Variants in CDH7 observed in about 807,000 individuals in gnomAD.
The protein encoded by CDH7 is cadherin 7.
A neutral mutation model predicts 71.8 loss-of-function variants in CDH7; 25 were observed. The ratio of observed to expected loss-of-function variants is 0.35; its 90% CI spans 0.25 to 0.49. The LOEUF is 0.49. Ranked by LOEUF, CDH7 falls within the 20% of genes least tolerant of loss-of-function variation. The pLI, the probability that CDH7 is intolerant of heterozygous loss-of-function variation, is 0.99. For synonymous variants in CDH7, 381 were observed against 363.8 expected (o/e 1.05, Z -0.54); for missense variants, 862 against 974.6 (o/e 0.88, Z 1.54).
chr18:65,797,180 C>T (rs915917653), intron 2 of CDH7, among the ~76,000 whole-genome samples: 1 of 152,100 alleles, frequency 6.6e-6, no homozygotes, highest in Admixed American at 6.6e-5. Context: ...TGGCCAGTCT[C>T]TCCTAGGAAA....
chr18:65,815,736 A>G (rs1239102673), intron 4 of CDH7, among the ~76,000 whole-genome samples: 1 of 152,174 alleles, frequency 6.6e-6, no homozygotes. Flanking sequence ...AGCAAGTATT[A>G]AAGGAGAAGT....
rs182687067 is a variant in CDH7 at position 65,883,222 on chromosome 18, T to G, written c.*2328T>G. On this transcript the variant is annotated 3_prime_UTR_variant, in exon 12 of 12. Coordinates refer to ENST00000397968, the MANE Select transcript of CDH7 (RefSeq NM_004361.5). ...CAGTATTACATTTCATTCAGTGGTA[T>G]TTTTTAATTAAAAAAATTAATTTAA... 29 of 152,152 alleles carry G rather than the reference T, an allele frequency of 1.9e-4. No homozygotes were observed. The East Asian group carries it at 5.2e-3, about 27-fold the overall frequency. 9.4% of individuals were successfully genotyped at this position (152,152 alleles called of 1,614,324 possible).
At chr18:65,821,133 A>C (rs1911910152) in intron 4 of CDH7, among the ~76,000 whole-genome samples, 1 of 24,712 alleles carries the variant, frequency 4.0e-5, no homozygotes, top group Non-Finnish European at 2.1e-4. Context: ...ACAAACAAAC[A>C]AAAAAAAAAA....
intron 11 of CDH7, among the ~76,000 whole-genome samples, chr18:65,864,889 TAAAAAAAAAAAAA>T (rs1191269381): frequency 4.7e-5 from 4 of 85,960 alleles, no homozygotes; most frequent in Non-Finnish European, 8.8e-5. Context: ...AGACTCCATC[TAAAAAAAAAAAAA>T]AAAAAAAAAA....
chr18:65,789,179 G>A (rs1910618066), intron 2 of CDH7, among the ~76,000 whole-genome samples: 1 of 152,126 alleles, frequency 6.6e-6, no homozygotes, highest in South Asian at 2.1e-4. Context: ...GGGAGATTAA[G>A]GAAAGAGTAT....
chr18:65,820,954 TA>T (rs1007391652), intron 4 of CDH7, among the ~76,000 whole-genome samples: 9 of 152,050 alleles, frequency 5.9e-5, no homozygotes, highest in Non-Finnish European at 1.0e-4. Flanking sequence ...GAGTCAAATT[TA>T]AAAAAATATA....
intron 1 of CDH7, among the ~76,000 whole-genome samples, chr18:65,761,824 T>G (rs947007436): frequency 2.0e-5 from 3 of 152,204 alleles, no homozygotes; most frequent in Non-Finnish European, 4.4e-5. Flanking sequence ...ACCTCCTGGA[T>G]GCATGCCAGC....
chr18:65,836,605 A>G (rs1395766033), intron 6 of CDH7, among the ~76,000 whole-genome samples: 1 of 152,036 alleles, frequency 6.6e-6, no homozygotes, highest in African/African-American at 2.4e-5. Flanking sequence ...GGCACTTTCT[A>G]TCTACTGGTA....
chr18:65,827,706 A>G (rs1912183789), intron 6 of CDH7, among the ~76,000 whole-genome samples: 1 of 151,930 alleles, frequency 6.6e-6, no homozygotes, highest in South Asian at 2.1e-4. Context: ...AATGTGGAGA[A>G]TATATATACC....
intron 6 of CDH7, among the ~76,000 whole-genome samples, chr18:65,834,445 A>T (rs1912463569): frequency 6.6e-6 from 1 of 152,216 alleles, no homozygotes; most frequent in South Asian, 2.1e-4. Context: ...GATGAAAAGA[A>T]GGCTTTAGAC....
In CDH7 at chr18:65,857,928, A is replaced by G. The variant is rs1005201914; in HGVS notation, c.1348A>G (p.Ile450Val). ...LDRETNAIHN[I>V]TVLAMESQNP... ...TCGAGAGACAAATGCTATTCACAATATCACAGTCCTTGCAATGGAGAGCCG... is the reference window on the plus strand; with the variant it reads ...TCGAGAGACAAATGCTATTCACAATGTCACAGTCCTTGCAATGGAGAGCCG... The change falls in exon 8 of 12, where the codon ATC becomes GTC. Residue 450 changes from isoleucine to valine, a missense_variant. Coordinates refer to ENST00000397968, the MANE Select transcript of CDH7 (RefSeq NM_004361.5). 8 of 1,613,600 alleles carry G rather than the reference A, an allele frequency of 5.0e-6. No individual in the cohort carries two copies. The highest frequency in any genetic ancestry group is 6.8e-6 in the Non-Finnish European group (8 of 1,179,676).
At position 65,873,616 on chromosome 18, in the gene CDH7, A is replaced by G. The variant is rs142383358; in HGVS notation, c.1865-6785A>G. 3.1e-3 allele frequency among the ~76,000 whole-genome samples: 477 copies of G among 152,304 alleles called. 8 individuals carry two copies. Among genetic ancestry groups the G allele is most frequent in the African/African-American group, 0.011 (453 of 41,576 alleles). Reference sequence around the variant, plus strand: ...TATTTTACACTTAGAGCATATCTCAATGAAGAATAGCCATATTCCAAGTGC... The same window carrying G: ...TATTTTACACTTAGAGCATATCTCAGTGAAGAATAGCCATATTCCAAGTGC... On this transcript the variant is annotated intron_variant, in intron 11 of 11. Coordinates refer to ENST00000397968, the MANE Select transcript of CDH7 (RefSeq NM_004361.5).
intron 1 of CDH7, among the ~76,000 whole-genome samples, chr18:65,756,653 A>G (rs2143773308): frequency 6.6e-6 from 1 of 152,346 alleles, no homozygotes; most frequent in East Asian, 1.9e-4. Context: ...GAATTTAGAG[A>G]AAGTTTGGTG....
chr18:65,844,784 A>G (rs1294893418), intron 7 of CDH7, among the ~76,000 whole-genome samples: 3 of 152,074 alleles, frequency 2.0e-5, no homozygotes, highest in African/African-American at 2.4e-5. Flanking sequence ...TTTTTGAGGT[A>G]ACATTATAAA....
chr18:65,817,374 T>C (rs1911759414), intron 4 of CDH7, among the ~76,000 whole-genome samples: 1 of 152,158 alleles, frequency 6.6e-6, no homozygotes. Flanking sequence ...GAACATCCCC[T>C]ACAGGTTGCA....
At chr18:65,828,944 G>T (rs2143953386) in intron 6 of CDH7, among the ~76,000 whole-genome samples, 1 of 152,118 alleles carries the variant, frequency 6.6e-6, no homozygotes, top group South Asian at 2.1e-4. Flanking sequence ...CTAGAATTGA[G>T]ATCTCTTAAA....
intron 11 of CDH7, among the ~76,000 whole-genome samples, chr18:65,879,065 G>T (rs1194115920): frequency 6.6e-6 from 1 of 152,128 alleles, no homozygotes; most frequent in Non-Finnish European, 1.5e-5. Context: ...TTTTATTGAA[G>T]ATGAATTCAT....
chr18:65,827,904 G>A (rs1001949592), intron 6 of CDH7, among the ~76,000 whole-genome samples: 8 of 151,726 alleles, frequency 5.3e-5, no homozygotes, highest in Non-Finnish European at 7.4e-5. Flanking sequence ...AAATACCTAT[G>A]GTGCTTTTAT....
chr18:65,845,875 A>G (rs1002995066), intron 7 of CDH7, among the ~76,000 whole-genome samples: 7 of 152,034 alleles, frequency 4.6e-5, no homozygotes, highest in Admixed American at 1.3e-4. Flanking sequence ...GTGAGCTACA[A>G]TTGCACTTGT....
Sources: gnomAD v4.1 joint callset for allele counts (sites outside exome capture counted in the v4.1 genomes callset) on GRCh38, gnomAD v4.1.1 for gene constraint, MANE v1.5 for transcripts, NCBI Gene and HGNC (gene_info 2026-07-23, HGNC 2026-07-21) for gene names.